Variants in CLVS1 observed in about 807,000 individuals in gnomAD.
The protein encoded by CLVS1 is clavesin 1.
CLVS1 carries 10 observed loss-of-function variants against 33.1 expected under a neutral mutation model. That is an observed-to-expected ratio of 0.30 (90% CI 0.19 to 0.51). The LOEUF (loss-of-function observed/expected upper bound fraction) is 0.51, where lower values mean the gene tolerates loss of function less well. CLVS1 is among the 20% of genes least tolerant of loss of function. The pLI is 0.97. For missense variants in CLVS1, 343 were observed against 433.4 expected (o/e 0.79, Z 1.85); for synonymous variants, 163 against 166.1 (o/e 0.98, Z 0.14).
chr8:61,086,352 G>A (rs1356502531), intron 1 of CLVS1, among the ~76,000 whole-genome samples: 1 of 152,110 alleles, frequency 6.6e-6, no homozygotes, highest in Non-Finnish European at 1.5e-5. Context: ...TTAGACTAAG[G>A]TTGCCAGATT....
intron 2 of CLVS1, among the ~76,000 whole-genome samples, chr8:61,214,422 C>CT (rs1808041740): frequency 6.6e-6 from 1 of 152,102 alleles, no homozygotes; most frequent in Non-Finnish European, 1.5e-5. Flanking sequence ...TGTACTCTGT[C>CT]CCTTTATTTC....
intron 3 of CLVS1, among the ~76,000 whole-genome samples, chr8:61,381,249 G>A (rs1034264190): frequency 6.6e-6 from 1 of 151,974 alleles, no homozygotes; most frequent in African/African-American, 2.4e-5. Flanking sequence ...TAGTAGAAAA[G>A]GAGGTCCGTT....
At chr8:61,113,210 A>C (rs1185465908) in intron 1 of CLVS1, among the ~76,000 whole-genome samples, 1 of 152,180 alleles carries the variant, frequency 6.6e-6, no homozygotes, top group Non-Finnish European at 1.5e-5. Context: ...TTTCAGAAAT[A>C]CATGGGGCGG....
At chr8:61,273,765 C>T (rs960925461) in intron 2 of CLVS1, among the ~76,000 whole-genome samples, 1 of 152,202 alleles carries the variant, frequency 6.6e-6, no homozygotes, top group Non-Finnish European at 1.5e-5. Flanking sequence ...CAGGTGCTGC[C>T]CATCACCCCT....
At position 61,500,169 on chromosome 8, in the gene CLVS1, TGTCAG is replaced by T. The variant is rs1422734074; in HGVS notation, c.*632_*636del. 1 of 151,996 alleles carries T rather than the reference TGTCAG, an allele frequency of 6.6e-6. No individual in the cohort carries two copies. Among genetic ancestry groups the T allele is most frequent in the Non-Finnish European group, 1.5e-5 (1 of 68,044 alleles). The allele number at this position is 151,996 out of a possible 1,614,324, so 9.4% of individuals were successfully genotyped here. A position where few individuals can be genotyped will look rare whatever the true frequency, so the allele number is the denominator to read the frequency against. On this transcript the variant is annotated 3_prime_UTR_variant, in exon 6 of 6. Transcript: ENST00000325897. ...AAAATTATTTTGATGTCACATCTCT[TGTCAG>T]GTCACTAGCTGACTGTCATGAGCTG... is the stretch of plus-strand genomic sequence containing the variant.
At chr8:61,343,352 C>T (rs776843784) in intron 2 of CLVS1, among the ~76,000 whole-genome samples, 12 of 152,042 alleles carry the variant, frequency 7.9e-5, no homozygotes, top group South Asian at 2.1e-4. Context: ...GAGGTAGATC[C>T]ACCTTTAGAA....
chr8:61,222,669 A>G (rs1808241027), intron 2 of CLVS1, among the ~76,000 whole-genome samples: 1 of 152,142 alleles, frequency 6.6e-6, no homozygotes, highest in Non-Finnish European at 1.5e-5. Flanking sequence ...TGGGGTAGAG[A>G]GTTCGGTAGA....
intron 2 of CLVS1, among the ~76,000 whole-genome samples, chr8:61,132,274 G>C (rs1168852443): frequency 6.6e-6 from 1 of 152,254 alleles, no homozygotes; most frequent in Non-Finnish European, 1.5e-5. Flanking sequence ...GCTGAGCCGG[G>C]ATCAGCTGCT....
At chr8:61,402,218 C>G (rs1563537345) in intron 3 of CLVS1, among the ~76,000 whole-genome samples, 1 of 151,842 alleles carries the variant, frequency 6.6e-6, no homozygotes, top group Non-Finnish European at 1.5e-5. Flanking sequence ...TGGAGTTGTT[C>G]TAGGGCCTCT....
At chr8:61,339,271 C>G (rs1811925386) in intron 2 of CLVS1, among the ~76,000 whole-genome samples, 1 of 152,154 alleles carries the variant, frequency 6.6e-6, no homozygotes, top group Non-Finnish European at 1.5e-5. Context: ...CGTCCCATCC[C>G]CCATTCCCCA....
chr8:61,002,993 A>C, the CLVS1 span, among the ~76,000 whole-genome samples: 3 of 152,176 alleles, frequency 2.0e-5, no homozygotes, highest in Admixed American at 6.5e-5. Flanking sequence ...CCAAGAGTGG[A>C]CTTGCAAATA....
At chr8:61,149,659 T>C (rs942361877) in intron 2 of CLVS1, among the ~76,000 whole-genome samples, 1 of 151,146 alleles carries the variant, frequency 6.6e-6, no homozygotes, top group Non-Finnish European at 1.5e-5. Flanking sequence ...AAGCAGTGGA[T>C]AGAGTTGTGG....
intron 5 of CLVS1, among the ~76,000 whole-genome samples, chr8:61,473,543 T>A (rs1167164123): frequency 1.3e-5 from 2 of 152,098 alleles, no homozygotes; most frequent in East Asian, 3.9e-4. Flanking sequence ...TTATTAAAAT[T>A]TTCACTCTGT....
At chr8:60,978,640 C>T in the CLVS1 span, among the ~76,000 whole-genome samples, 67 of 151,812 alleles carry the variant, frequency 4.4e-4, no homozygotes, top group Non-Finnish European at 7.5e-4. Flanking sequence ...CATGGTGAAA[C>T]CCCGTCTCTA....
intron 2 of CLVS1, among the ~76,000 whole-genome samples, chr8:61,311,968 G>T (rs1810847397): frequency 6.6e-6 from 1 of 152,200 alleles, no homozygotes; most frequent in Admixed American, 6.5e-5. Context: ...ACACAATGTT[G>T]CCTGTATGCT....
intron 2 of CLVS1, among the ~76,000 whole-genome samples, chr8:61,231,286 G>GCA (rs4033613): frequency 0.33 from 49,575 of 149,998 alleles, 8,273 homozygotes; most frequent in Admixed American, 0.39. Context: ...ACCTGTGCTT[G>GCA]CACACACACA....
intron 3 of CLVS1, among the ~76,000 whole-genome samples, chr8:61,382,146 T>G (rs1328439980): frequency 6.6e-6 from 1 of 152,184 alleles, no homozygotes; most frequent in Non-Finnish European, 1.5e-5. Flanking sequence ...ATTAGAACGA[T>G]GAAAAGTCTG....
chr8:61,408,036 A>G (rs982555726), intron 3 of CLVS1, among the ~76,000 whole-genome samples: 1 of 152,218 alleles, frequency 6.6e-6, no homozygotes, highest in Non-Finnish European at 1.5e-5. Context: ...AGGTCTTACT[A>G]GTATTTACAA....
At chr8:61,003,793 A>G in the CLVS1 span, among the ~76,000 whole-genome samples, 1 of 152,220 alleles carries the variant, frequency 6.6e-6, no homozygotes, top group Non-Finnish European at 1.5e-5. Flanking sequence ...CCTGCCATGT[A>G]CCAGGAGAAT....
Sources: gnomAD v4.1 joint callset for allele counts (sites outside exome capture counted in the v4.1 genomes callset) on GRCh38, gnomAD v4.1.1 for gene constraint, MANE v1.5 for transcripts, NCBI Gene and HGNC (gene_info 2026-07-23, HGNC 2026-07-21) for gene names.